The following PCDHA5 variants were observed in gnomAD, a reference collection of about 807,000 sequenced individuals.
PCDHA5 encodes the protein protocadherin alpha 5, also known as protocadherin alpha-5.
PCDHA5 carries 43 observed loss-of-function variants against 61.6 expected under a neutral mutation model. That is an observed-to-expected ratio of 0.70 (90% confidence interval 0.55 to 0.90). The LOEUF (loss-of-function observed/expected upper bound fraction) is 0.90. Among genes scored for constraint, PCDHA5 ranks in the 40% least tolerant of loss-of-function variants. PCDHA5 has a pLI of 0.00. For missense variants in PCDHA5, 1,298 were observed against 1,222.7 expected (o/e 1.06, Z -0.92); for synonymous variants, 627 against 543.9 (o/e 1.15, Z -2.13).
intron 1 of PCDHA5, among the ~76,000 whole-genome samples, chr5:140,942,619 T>TA (rs35075175): frequency 5.6e-4 from 83 of 148,996 alleles, no homozygotes; most frequent in Non-Finnish European, 6.7e-4. Flanking sequence ...TTGCCAATTG[T>TA]AAAAAAAAAA....
chr5:140,918,579 G>A (rs1396239560), intron 1 of PCDHA5, among the ~76,000 whole-genome samples: 1 of 152,112 alleles, frequency 6.6e-6, no homozygotes, highest in Admixed American at 6.5e-5. Flanking sequence ...GCTGCTATTG[G>A]CTATATGTTC....
chr5:140,876,783 C>G (rs1554168916), intron 1 of PCDHA5: 2 of 1,614,196 alleles, frequency 1.2e-6, no homozygotes, highest in Admixed American at 1.7e-5. Flanking sequence ...CGCTGTGGGC[C>G]ACGGCTAGAG....
rs782355791 is a variant in PCDHA5, at chr5:140,982,576, G to A, written c.2500+13G>A. The A allele has an allele frequency of 5.6e-6, 9 of 1,613,152 alleles. No homozygotes were observed. In the Admixed American group the frequency reaches 6.7e-5, roughly 12 times the overall value. ...AGTGCAACACCAGGTAAAGAGCTGG[G>A]GTCTCTCCATTCTTTCTTGGTTTCT... On this transcript the variant is annotated intron_variant, in intron 3 of 3. Transcript: ENST00000529859.
At chr5:140,952,009 G>A (rs780606946) in intron 1 of PCDHA5, among the ~76,000 whole-genome samples, 1 of 152,102 alleles carries the variant, frequency 6.6e-6, no homozygotes, top group African/African-American at 2.4e-5. Flanking sequence ...AGAATTATAG[G>A]CCCCATGCAA....
chr5:140,877,260 G>A (rs1329010026), intron 1 of PCDHA5: 3 of 1,613,766 alleles, frequency 1.9e-6, no homozygotes, highest in African/African-American at 2.7e-5. Context: ...AAGTGCGCGC[G>A]GTGGACGCTG....
intron 1 of PCDHA5, among the ~76,000 whole-genome samples, chr5:140,970,589 C>T (rs74994687): frequency 6.6e-6 from 1 of 152,198 alleles, no homozygotes; most frequent in East Asian, 1.9e-4. Flanking sequence ...CAGAGATATG[C>T]TTTGTGATAC....
chr5:141,001,850 T>G (rs2098040443), intron 3 of PCDHA5, among the ~76,000 whole-genome samples: 1 of 152,164 alleles, frequency 6.6e-6, no homozygotes, highest in Admixed American at 6.5e-5. Context: ...AGAGAGAGGT[T>G]GATTAAATTG....
chr5:140,968,657 G>T (rs782383428), intron 1 of PCDHA5: 16 of 1,614,142 alleles, frequency 9.9e-6, no homozygotes, highest in Non-Finnish European at 1.4e-5. Flanking sequence ...TTCTGACCTG[G>T]ACCTCTTTAA....
At chr5:140,882,415 T>G (rs782393404) in intron 1 of PCDHA5, 23 of 1,614,072 alleles carry the variant, frequency 1.4e-5, no homozygotes, top group African/African-American at 2.7e-5. Flanking sequence ...GCCGCATCGC[T>G]CAGGACCTGG....
intron 3 of PCDHA5, among the ~76,000 whole-genome samples, chr5:140,987,919 A>G (rs1441531471): frequency 1.3e-5 from 2 of 152,082 alleles, no homozygotes; most frequent in East Asian, 3.9e-4. Context: ...TATATTCTTA[A>G]TTGTCTCAAG....
intron 1 of PCDHA5, among the ~76,000 whole-genome samples, chr5:140,925,793 A>G (rs1261267937): frequency 6.6e-6 from 1 of 152,074 alleles, no homozygotes; most frequent in African/African-American, 2.4e-5. Context: ...GTATCTCAGT[A>G]CTTTCCCCTC....
In PCDHA5 at chr5:140,922,322, GA is replaced by G. The variant is rs2080774913; in HGVS notation, c.2353-56624del. Among the ~76,000 whole-genome samples the G allele has an allele frequency of 2.0e-5, 3 of 152,302 alleles. No homozygotes were observed. The East Asian group carries it at 5.8e-4, about 29-fold the overall frequency. ...AGGATACCTTTCACTGAAGATCTTG[GA>G]AAGGGTTGGTATATTGGTATTTTCT... On this transcript the variant is annotated intron_variant, in intron 1 of 3. Transcript: ENST00000529859.
At chr5:140,928,624 C>T (rs782032190) in intron 1 of PCDHA5, 1 of 1,614,242 alleles carries the variant, frequency 6.2e-7, no homozygotes, top group Non-Finnish European at 8.5e-7. Context: ...CAGGACTGGA[C>T]ACTTGGTCAC....
chr5:140,989,575 G>A (rs2097349164), intron 3 of PCDHA5, among the ~76,000 whole-genome samples: 3 of 152,210 alleles, frequency 2.0e-5, no homozygotes. Flanking sequence ...GGCAAGCCCT[G>A]TCCTCAGCCT....
chr5:140,904,335 C>T (rs142753502), intron 1 of PCDHA5, among the ~76,000 whole-genome samples: 2,168 of 152,034 alleles, frequency 0.014, 62 homozygotes, highest in African/African-American at 0.05. Flanking sequence ...TCTCCAGTTC[C>T]ATCCAGGTTG....
At chr5:140,869,296 C>G (rs782726122) in intron 1 of PCDHA5, 2 of 1,613,602 alleles carry the variant, frequency 1.2e-6, no homozygotes, top group South Asian at 1.1e-5. Flanking sequence ...GCGCCTGTTC[C>G]GGGTGGCGTC....
intron 1 of PCDHA5, among the ~76,000 whole-genome samples, chr5:140,886,622 C>T (rs1483241958): frequency 6.6e-6 from 1 of 151,430 alleles, no homozygotes; most frequent in Non-Finnish European, 1.5e-5. Context: ...GATCAGGAGT[C>T]CGAGACCAGC....
chr5:140,877,220 G>C (rs560974692), intron 1 of PCDHA5: 2 of 1,613,740 alleles, frequency 1.2e-6, no homozygotes, highest in East Asian at 2.2e-5. Context: ...TTGGTACCGC[G>C]GTCGGTGGGT....
intron 1 of PCDHA5, chr5:140,828,176 G>A (rs2150151842): frequency 3.1e-6 from 5 of 1,614,128 alleles, no homozygotes; most frequent in Non-Finnish European, 3.4e-6. Flanking sequence ...GGTGGGGAGC[G>A]GCCAGCTCCA....
Sources: allele counts gnomAD v4.1 joint callset (sites outside exome capture counted in the v4.1 genomes callset), GRCh38; gene constraint gnomAD v4.1.1; transcripts MANE v1.5; gene names NCBI Gene and HGNC (gene_info 2026-07-23, HGNC 2026-07-21).